The following FABP4 variants were observed in gnomAD, a reference collection of about 807,000 sequenced individuals.
FABP4 encodes the protein fatty acid-binding protein, adipocyte.
A neutral mutation model predicts 14.6 loss-of-function variants in FABP4; 17 were observed. The ratio of observed to expected loss-of-function variants is 1.16; its 90% CI spans 0.80 to 1.74. The LOEUF is 1.74. Among genes scored for constraint, FABP4 ranks in the 40% most tolerant of loss-of-function variants. FABP4 has a pLI of 0.00. For missense variants in FABP4, 149 were observed against 160.3 expected, an observed-to-expected ratio of 0.93 and a Z score of 0.38; for synonymous variants, 54 against 54.6, an observed-to-expected ratio of 0.99 and a Z score of 0.05.
intron 1 of FABP4, among the ~76,000 whole-genome samples, chr8:81,482,032 G>T (rs1273343626): frequency 6.6e-6 from 1 of 151,930 alleles, no homozygotes; most frequent in Non-Finnish European, 1.5e-5. Flanking sequence ...CCCAAATCCT[G>T]GCTTTTCTGC....
At chr8:81,479,704 G>A (rs1022703223) in intron 2 of FABP4, 189 bp from the exon 3 acceptor site, 2 of 458,466 alleles carry the variant, frequency 4.4e-6, no homozygotes, top group African/African-American at 4.0e-5. Flanking sequence ...GTTATGTCCA[G>A]AGTGTTATAC....
chr8:81,480,967 T>C (rs915846825), intron 1 of FABP4, among the ~76,000 whole-genome samples: 1 of 152,206 alleles, frequency 6.6e-6, no homozygotes, highest in East Asian at 1.9e-4. Context: ...TTAGCCACTG[T>C]TATTTTTCTC....
At chr8:81,478,976 C>A in intron 3 of FABP4, 61 bp from the exon 4 acceptor site, 1 of 1,378,942 alleles carries the variant, frequency 7.3e-7, no homozygotes, top group Non-Finnish European at 1.0e-6. Context: ...TATTTATTGT[C>A]TCTCTGAATG....
Position 81,480,529 on chromosome 8 carries a change from T to A in FABP4, c.143A>T (p.Asp48Val). Reference protein sequence around the residue: ...KPNMIISVNGDVITIKSESTF... With the variant: ...KPNMIISVNGVVITIKSESTF... ...ACTTTCAGATTTAATGGTGATCACA[T>A]CCCCATTCACACTGATGATCATGTT... Residue 48 changes from aspartate to valine, a missense_variant, in exon 2 of 4, where the codon GAT becomes GTT. By Grantham distance (152) the Asp-to-Val change is radical. Coordinates refer to ENST00000256104, the MANE Select transcript of FABP4 (RefSeq NM_001442.3). 6.2e-7 allele frequency: 1 copy of A among 1,613,716 alleles called. No homozygotes were observed. Among genetic ancestry groups the A allele is most frequent in the Non-Finnish European group, 8.5e-7 (1 of 1,179,732 alleles).
At chr8:81,481,086 A>C (rs1007800585) in intron 1 of FABP4, among the ~76,000 whole-genome samples, 2 of 152,298 alleles carry the variant, frequency 1.3e-5, no homozygotes, top group South Asian at 2.1e-4. Flanking sequence ...GGGTTAATGT[A>C]GAGTTATTTA....
chr8:81,482,787 C>G (rs1230527347), intron 1 of FABP4, among the ~76,000 whole-genome samples: 1 of 152,082 alleles, frequency 6.6e-6, no homozygotes, highest in Admixed American at 6.6e-5. Context: ...AGGCAAAGAG[C>G]TAAGTAAACC....
chr8:81,480,764 T>C (rs1254249921), intron 1 of FABP4, among the ~76,000 whole-genome samples, 166 bp from the exon 2 acceptor site: 2 of 131,424 alleles, frequency 1.5e-5, no homozygotes, highest in Admixed American at 1.6e-4. Context: ...ATCAGGCCAA[T>C]ACTTAAAAAA....
chr8:81,482,696 G>C (rs113932240), intron 1 of FABP4, among the ~76,000 whole-genome samples: 131 of 152,246 alleles, frequency 8.6e-4, no homozygotes, highest in Middle Eastern at 6.8e-3. Flanking sequence ...AGTGCTTTCA[G>C]TTTGAAATGA....
chr8:81,479,222 T>A (rs377019165), intron 3 of FABP4, among the ~76,000 whole-genome samples, 192 bp downstream of exon 3: 3 of 152,124 alleles, frequency 2.0e-5, no homozygotes, highest in African/African-American at 7.2e-5. Context: ...CAGAGAATGC[T>A]TCCTAGAAGA....
chr8:81,479,224 C>G (rs945789717), intron 3 of FABP4, among the ~76,000 whole-genome samples, 190 bp downstream of exon 3: 8 of 152,094 alleles, frequency 5.3e-5, no homozygotes, highest in African/African-American at 1.9e-4. Context: ...GAGAATGCTT[C>G]CTAGAAGACA....
At chr8:81,480,798 G>C (rs1442554714) in intron 1 of FABP4, among the ~76,000 whole-genome samples, 200 bp from the exon 2 acceptor site, 4 of 147,152 alleles carry the variant, frequency 2.7e-5, no homozygotes, top group African/African-American at 1.0e-4. Flanking sequence ...AACCCACAAA[G>C]AAAACAAAAA....
At chr8:81,481,345 T>A (rs1808076669) in intron 1 of FABP4, among the ~76,000 whole-genome samples, 1 of 152,084 alleles carries the variant, frequency 6.6e-6, no homozygotes, top group African/African-American at 2.4e-5. Context: ...ATTTAATAAA[T>A]CACTATTTCT....
chr8:81,480,645 G>A (rs756397934), intron 1 of FABP4, 47 bp from the exon 2 acceptor site: 26 of 1,538,896 alleles, frequency 1.7e-5, no homozygotes, highest in Admixed American at 1.5e-4. Flanking sequence ...TTTCTCTCAC[G>A]TACTTATCCA....
chr8:81,479,606 G>A, intron 2 of FABP4, 91 bp from the exon 3 acceptor site: 1 of 823,634 alleles, frequency 1.2e-6, no homozygotes, highest in Non-Finnish European at 2.0e-6. Flanking sequence ...AATATTTTGA[G>A]GTCATTAGTA....
chr8:81,481,649 T>A (rs879429965), intron 1 of FABP4, among the ~76,000 whole-genome samples: 3 of 152,188 alleles, frequency 2.0e-5, no homozygotes, highest in Non-Finnish European at 4.4e-5. Flanking sequence ...GCAAAATAAG[T>A]AATGCTGAGG....
At chr8:81,478,949 G>A in intron 3 of FABP4, 34 bp from the exon 4 acceptor site, 1 of 1,512,940 alleles carries the variant, frequency 6.6e-7, no homozygotes, top group Admixed American at 1.8e-5. Flanking sequence ...GTCAATCACT[G>A]GATTAAACCA....
chr8:81,480,666 T>C (rs1319834930), intron 1 of FABP4, 68 bp from the exon 2 acceptor site: 5 of 1,462,412 alleles, frequency 3.4e-6, no homozygotes, highest in Non-Finnish European at 4.6e-6. Flanking sequence ...AGTCAGAGAA[T>C]GTGTGTGTGC....
At chr8:81,480,297 G>C in intron 2 of FABP4, 129 bp downstream of exon 2, 1 of 837,020 alleles carries the variant, frequency 1.2e-6, no homozygotes, top group Non-Finnish European at 1.8e-6. Flanking sequence ...ACACAGTTTA[G>C]ATGTAGGAGT....
chr8:81,479,377 A>G, intron 3 of FABP4, 37 bp downstream of exon 3: 1 of 1,467,588 alleles, frequency 6.8e-7, no homozygotes, highest in Non-Finnish European at 9.5e-7. Flanking sequence ...ATAACCTAGC[A>G]GTAAGATCCA....
Sources: allele counts gnomAD v4.1 joint callset (sites outside exome capture counted in the v4.1 genomes callset), GRCh38; gene constraint gnomAD v4.1.1; transcripts MANE v1.5; gene names NCBI Gene and HGNC (gene_info 2026-07-23, HGNC 2026-07-21).